Variants in UBE3D observed in about 807,000 individuals in gnomAD.
UBE3D encodes ubiquitin protein ligase E3D, also known as E3 ubiquitin-protein ligase E3D.
Under a neutral mutation model 49.6 loss-of-function variants are expected in UBE3D, and 48 were observed. The observed-to-expected ratio is 0.97, with a 90% confidence interval of 0.77 to 1.23. UBE3D has a LOEUF of 1.23. Among genes scored for constraint, UBE3D ranks in the 50% most tolerant of loss-of-function variants. The pLI is 0.00. For synonymous variants in UBE3D, 189 were observed against 174.2 expected (o/e 1.08, Z -0.67); for missense variants, 452 against 468.4 (o/e 0.96, Z 0.32).
chr6:83,058,161 A>C (rs1178748701), intron 1 of UBE3D, 139 bp from the exon 2 acceptor site: 11 of 809,600 alleles, frequency 1.4e-5, no homozygotes, highest in Middle Eastern at 3.7e-4. Flanking sequence ...AAACAGCAGC[A>C]AGCAGATCAT....
chr6:82,992,347 T>C (rs2127733777), intron 8 of UBE3D, among the ~76,000 whole-genome samples: 1 of 151,192 alleles, frequency 6.6e-6, no homozygotes, highest in South Asian at 2.1e-4. Context: ...CTCAGCTTCC[T>C]GAGTAGCTAG....
chr6:82,883,365 A>G, the UBE3D span, among the ~76,000 whole-genome samples: 1 of 152,058 alleles, frequency 6.6e-6, no homozygotes, highest in Admixed American at 6.6e-5. Flanking sequence ...TATTGACCCA[A>G]CTTCTCTAGT....
At chr6:83,060,234 G>A (rs1354948589) in intron 1 of UBE3D, among the ~76,000 whole-genome samples, 1 of 152,156 alleles carries the variant, frequency 6.6e-6, no homozygotes, top group Non-Finnish European at 1.5e-5. Context: ...TGAGCAGGGG[G>A]AGGTGGCAAA....
At chr6:82,883,289 C>A in the UBE3D span, among the ~76,000 whole-genome samples, 1 of 152,024 alleles carries the variant, frequency 6.6e-6, no homozygotes, top group Non-Finnish European at 1.5e-5. Flanking sequence ...GATATAGAAC[C>A]TTTTAACAGC....
At chr6:82,911,970 A>G (rs1177883706) in intron 9 of UBE3D, among the ~76,000 whole-genome samples, 1 of 152,112 alleles carries the variant, frequency 6.6e-6, no homozygotes, top group East Asian at 1.9e-4. Context: ...CTGACACTGG[A>G]CTTTCTTCCT....
intron 9 of UBE3D, among the ~76,000 whole-genome samples, chr6:82,919,904 C>T (rs1455223793): frequency 6.6e-6 from 1 of 152,112 alleles, no homozygotes; most frequent in Non-Finnish European, 1.5e-5. Flanking sequence ...TATCCCAATA[C>T]TGGCAATTGG....
chr6:82,964,144 C>CA (rs139828055), intron 8 of UBE3D, among the ~76,000 whole-genome samples: 20,463 of 151,988 alleles, frequency 0.13, 1,411 homozygotes, highest in South Asian at 0.16. Flanking sequence ...TTTGCCTTGT[C>CA]AAAATTCCCT....
intron 9 of UBE3D, among the ~76,000 whole-genome samples, chr6:82,925,567 G>A (rs958742977): frequency 2.6e-5 from 4 of 152,088 alleles, no homozygotes; most frequent in African/African-American, 9.7e-5. Context: ...GGAAGTATCT[G>A]TCTTTCTGAG....
At chr6:83,018,733 C>T in intron 8 of UBE3D, 4 of 457,146 alleles carry the variant, frequency 8.7e-6, no homozygotes, top group Non-Finnish European at 1.5e-5. Flanking sequence ...TATGTACAGA[C>T]AGCTTAGATT....
chr6:83,054,476 T>G (rs749968263), intron 2 of UBE3D, among the ~76,000 whole-genome samples: 2 of 152,140 alleles, frequency 1.3e-5, no homozygotes, highest in African/African-American at 4.8e-5. Flanking sequence ...AGATTACGCA[T>G]GTAGCATTTG....
intron 9 of UBE3D, among the ~76,000 whole-genome samples, chr6:82,936,932 T>C (rs1054251745): frequency 1.3e-5 from 2 of 152,178 alleles, no homozygotes; most frequent in African/African-American, 4.8e-5. Context: ...CACTAGGGTA[T>C]AGACAGGGAA....
rs1323548608 is a variant in UBE3D, at chr6:82,893,987, AG to A, written c.1150-946del. ...ACCCTTCATACGGTGCTGGTGAGAA[AG>A]GCACCTGCTGAGTTTCCATATCAAC... On this transcript the variant is annotated intron_variant, in intron 9 of 9. Coordinates refer to ENST00000369747, the MANE Select transcript of UBE3D (RefSeq NM_198920.3). 3 of 152,334 alleles carry A rather than the reference AG, an allele frequency of 2.0e-5. No homozygotes were observed. In the East Asian group the frequency reaches 5.8e-4, roughly 29 times the overall value. The allele number at this position is 152,334 out of a possible 1,614,324, so 9.4% of individuals were successfully genotyped here.
At chr6:83,047,454 G>A (rs1349125491) in intron 3 of UBE3D, among the ~76,000 whole-genome samples, 1 of 152,192 alleles carries the variant, frequency 6.6e-6, no homozygotes, top group African/African-American at 2.4e-5. Context: ...TCTGAGCCAG[G>A]GCAGCTCCCG....
chr6:82,974,414 GGTGTA>G (rs1562140031), intron 8 of UBE3D, among the ~76,000 whole-genome samples: 1 of 152,096 alleles, frequency 6.6e-6, no homozygotes, highest in Non-Finnish European at 1.5e-5. Context: ...CCCTTAAAAT[GGTGTA>G]GTGTTTGCAT....
intron 9 of UBE3D, among the ~76,000 whole-genome samples, chr6:82,951,445 G>T (rs982126107): frequency 2.6e-5 from 4 of 152,116 alleles, no homozygotes; most frequent in African/African-American, 9.7e-5. Flanking sequence ...AACAGGAAGG[G>T]TTTCCTCCAC....
At chr6:83,018,090 C>A (rs1780821293) in intron 8 of UBE3D, 1 of 152,128 alleles carries the variant, frequency 6.6e-6, no homozygotes, top group African/African-American at 2.4e-5. Context: ...TATTTTATGA[C>A]TGGTACTACT....
chr6:82,930,540 A>G (rs954980121), intron 9 of UBE3D, among the ~76,000 whole-genome samples: 1 of 152,178 alleles, frequency 6.6e-6, no homozygotes, highest in Admixed American at 6.6e-5. Flanking sequence ...AGACTTGTTG[A>G]ATGGCTTTGA....
Position 83,016,698 on chromosome 6 carries a change from C to CAT in UBE3D, c.1010+2273_1010+2274dup, listed in dbSNP as rs1562188784. On this transcript the variant is annotated intron_variant, in intron 8 of 9. Coordinates refer to ENST00000369747, the MANE Select transcript of UBE3D (RefSeq NM_198920.3). ...CTTCATATATAAATATATAAATCTT[C>CAT]ATATATATAAAGATATGTATAATAT... is the stretch of plus-strand genomic sequence containing the variant. Among the ~76,000 whole-genome samples, 5 of 151,144 alleles carry CAT rather than the reference C, an allele frequency of 3.3e-5. No homozygotes were observed. In the South Asian group the frequency reaches 8.3e-4, roughly 25 times the overall value.
intron 8 of UBE3D, among the ~76,000 whole-genome samples, chr6:83,004,881 G>A (rs2127750557): frequency 6.6e-6 from 1 of 152,258 alleles, no homozygotes; most frequent in Middle Eastern, 3.4e-3. Context: ...GGCAATGACA[G>A]TCTCTGCCAC....
Sources: gnomAD v4.1 joint callset for allele counts (sites outside exome capture counted in the v4.1 genomes callset) on GRCh38, gnomAD v4.1.1 for gene constraint, MANE v1.5 for transcripts, NCBI Gene and HGNC (gene_info 2026-07-23, HGNC 2026-07-21) for gene names.